Variants in FOXP1 observed in about 807,000 individuals in gnomAD.
FOXP1 encodes the protein forkhead box protein P1.
FOXP1 carries 15 observed loss-of-function variants against 98.2 expected under a neutral mutation model. The ratio of observed to expected loss-of-function variants is 0.15; its 90% CI spans 0.10 to 0.24. The LOEUF is 0.24. FOXP1 is among the 10% of genes least tolerant of loss of function. The pLI, the probability that FOXP1 is intolerant of heterozygous loss-of-function variation, is 1.00. For missense variants in FOXP1, 633 were observed against 848.5 expected (o/e 0.75, Z 3.15); for synonymous variants, 371 against 314.5 (o/e 1.18, Z -1.90).
intron 3 of FOXP1, among the ~76,000 whole-genome samples, chr3:71,458,586 A>G (rs1313683704): frequency 6.6e-6 from 1 of 152,214 alleles, no homozygotes; most frequent in Non-Finnish European, 1.5e-5. Flanking sequence ...GAGCAAAATA[A>G]CAGAATATAG....
At chr3:71,188,723 T>C (rs1477607842) in intron 6 of FOXP1, among the ~76,000 whole-genome samples, 2 of 152,352 alleles carry the variant, frequency 1.3e-5, no homozygotes, top group East Asian at 1.9e-4. Flanking sequence ...TCTCTTTTAA[T>C]AGGTGGCTGT....
At chr3:71,548,911 C>T (rs1367349420) in intron 2 of FOXP1, among the ~76,000 whole-genome samples, 4 of 152,154 alleles carry the variant, frequency 2.6e-5, no homozygotes, top group Admixed American at 1.3e-4. Flanking sequence ...AAAGCAGGAC[C>T]ATGATGAGGT....
intron 4 of FOXP1, among the ~76,000 whole-genome samples, chr3:71,309,875 G>A (rs1216213160): frequency 1.3e-5 from 2 of 151,880 alleles, no homozygotes; most frequent in East Asian, 1.9e-4. Context: ...CTTAATCTCT[G>A]CCATCTTGTG....
intron 6 of FOXP1, among the ~76,000 whole-genome samples, chr3:71,156,927 G>A (rs1373107519): frequency 6.6e-6 from 1 of 152,286 alleles, no homozygotes; most frequent in Admixed American, 6.5e-5. Flanking sequence ...TGGCTAATCA[G>A]GACTGAAAAG....
chr3:71,267,954 G>A (rs1026772726), intron 5 of FOXP1, among the ~76,000 whole-genome samples: 3 of 149,896 alleles, frequency 2.0e-5, no homozygotes, highest in Non-Finnish European at 3.0e-5. Context: ...GGAGATGGAG[G>A]TTGCAGTGAG....
At chr3:71,291,841 G>A (rs1344108499) in intron 5 of FOXP1, among the ~76,000 whole-genome samples, 1 of 151,522 alleles carries the variant, frequency 6.6e-6, no homozygotes, top group Non-Finnish European at 1.5e-5. Context: ...CACGTAGCTG[G>A]GACTACAGGT....
chr3:71,065,048 G>GCGCCGCGCCCC (rs2052256263), intron 7 of FOXP1: 1 of 131,814 alleles, frequency 7.6e-6, no homozygotes, highest in South Asian at 2.4e-4. Context: ...GCGCCGCGCC[G>GCGCCGCGCCCC]CGCCCCACAC....
intron 6 of FOXP1, among the ~76,000 whole-genome samples, chr3:71,188,581 C>A (rs1442989762): frequency 6.6e-6 from 1 of 152,014 alleles, no homozygotes; most frequent in East Asian, 1.9e-4. Flanking sequence ...ACACGCCCGG[C>A]TAATTTTTGT....
intron 4 of FOXP1, among the ~76,000 whole-genome samples, chr3:71,331,532 G>A (rs2076311114): frequency 6.6e-6 from 1 of 152,272 alleles, no homozygotes; most frequent in Non-Finnish European, 1.5e-5. Flanking sequence ...CCCGGTGCGG[G>A]ATCCACTGGG....
At chr3:71,046,119 C>T (rs2049005786) in intron 10 of FOXP1, among the ~76,000 whole-genome samples, 1 of 152,116 alleles carries the variant, frequency 6.6e-6, no homozygotes, top group African/African-American at 2.4e-5. Context: ...TCCTCCTTCC[C>T]TCCCACCTTC....
At chr3:71,136,037 C>G (rs534570016) in intron 6 of FOXP1, among the ~76,000 whole-genome samples, 7 of 152,330 alleles carry the variant, frequency 4.6e-5, no homozygotes, top group African/African-American at 1.4e-4. Flanking sequence ...ACCAAATTGT[C>G]TCACCCTAAC....
intron 2 of FOXP1, among the ~76,000 whole-genome samples, chr3:71,505,022 C>A (rs193127971): frequency 1.4e-4 from 22 of 152,246 alleles, no homozygotes; most frequent in African/African-American, 5.1e-4. Flanking sequence ...GTCCTTTACC[C>A]AAGACCACAG....
intron 4 of FOXP1, among the ~76,000 whole-genome samples, chr3:71,309,392 ATT>A (rs539420592): frequency 4.1e-5 from 6 of 147,750 alleles, no homozygotes; most frequent in African/African-American, 9.9e-5. Context: ...TTATAACGTA[ATT>A]TTTTTTTTTT....
rs2107012414 is a variant in FOXP1 at position 70,965,937 on chromosome 3, G to A, written c.1842C>T (p.Asn614=). 1.2e-6 allele frequency: 2 copies of A among 1,614,142 alleles called. No individual in the cohort carries two copies. Among genetic ancestry groups the A allele is most frequent in the South Asian group, 1.1e-5 (1 of 91,086 alleles). ...CTGGACTGCTGTCACTCTCGTTGCT[G>A]TTGGTATGCTCCATTGCCCCGTTCA... ...EELNGAMEHT[N]SNESDSSPGR... is the part of the protein sequence containing the mutation. Residue 614 remains asparagine, a synonymous_variant, in exon 20 of 21, where the codon AAC becomes AAT. Coordinates refer to ENST00000649528, the MANE Select transcript of FOXP1 (RefSeq NM_001349338.3).
intron 3 of FOXP1, among the ~76,000 whole-genome samples, chr3:71,464,398 A>C (rs1299907999): frequency 6.6e-6 from 1 of 152,074 alleles, no homozygotes. Context: ...AAAGTCAGCG[A>C]CCTCCAAAGA....
chr3:71,008,676 A>C (rs1369332232), intron 12 of FOXP1, among the ~76,000 whole-genome samples: 1 of 152,146 alleles, frequency 6.6e-6, no homozygotes, highest in Non-Finnish European at 1.5e-5. Context: ...GATTCTGATA[A>C]AGCGTCCCTC....
chr3:71,061,000 T>C (rs1936408011), intron 7 of FOXP1, among the ~76,000 whole-genome samples: 1 of 152,190 alleles, frequency 6.6e-6, no homozygotes, highest in Admixed American at 6.5e-5. Context: ...AGAGCATTCC[T>C]ACAATCCAAA....
At chr3:71,581,400 G>A in intron 2 of FOXP1, 149 bp downstream of exon 2, 1 of 985,418 alleles carries the variant, frequency 1.0e-6, no homozygotes, top group African/African-American at 1.7e-5. Flanking sequence ...AGCACCTACC[G>A]GCCTGAGGAT....
rs56318177 is a variant in FOXP1 at position 71,085,735 on chromosome 3, C to CTTTTT, written c.282+26796_282+26800dup. Among the ~76,000 whole-genome samples the CTTTTT allele has an allele frequency of 1.2e-3, 43 of 37,032 alleles. 9 individuals are homozygous for CTTTTT. Among genetic ancestry groups the CTTTTT allele is most frequent in the East Asian group, 0.01 (13 of 1,276 alleles). The allele number at this position is 37,032 out of a possible 152,430, so 24.3% of individuals were successfully genotyped here. On this transcript the variant is annotated intron_variant, in intron 7 of 20. Transcript: ENST00000649528. ...TTGTATGGTGGGTATCATTTATGGC[C>CTTTTT]TTTTTTTTTTTTTTACATGGAGTCT...
Sources: allele counts gnomAD v4.1 joint callset (sites outside exome capture counted in the v4.1 genomes callset), GRCh38; gene constraint gnomAD v4.1.1; transcripts MANE v1.5; gene names NCBI Gene and HGNC (gene_info 2026-07-23, HGNC 2026-07-21).